ARID1A: variants seen among roughly 807,000 people sequenced by gnomAD.
ARID1A encodes the protein AT-rich interactive domain-containing protein 1A.
A neutral mutation model predicts 212.6 loss-of-function variants in ARID1A; 20 were observed. That is an observed-to-expected ratio of 0.09 (90% CI 0.07 to 0.14). The LOEUF (loss-of-function observed/expected upper bound fraction) is 0.14, where lower values mean the gene tolerates loss of function less well. Ranked by LOEUF, ARID1A falls within the 10% of genes least tolerant of loss-of-function variation. The pLI is 1.00. For missense variants in ARID1A, 2,587 were observed against 3,059.0 expected (o/e 0.85, Z 3.64); for synonymous variants, 1,376 against 1,222.1 (o/e 1.13, Z -2.63).
intron 2 of ARID1A, 136 bp from the exon 3 acceptor site, chr1:26,731,016 A>AC: frequency 1.0e-6 from 1 of 1,004,192 alleles, no homozygotes; most frequent in South Asian, 1.6e-5. Flanking sequence ...TGAGAGAAAA[A>AC]CCCTGGGCCT....
chr1:26,701,204 A>G (rs139165229), intron 1 of ARID1A, among the ~76,000 whole-genome samples: 71 of 152,356 alleles, frequency 4.7e-4, no homozygotes, highest in African/African-American at 1.6e-3. Context: ...CCATCCCTCA[A>G]AAGGTTGTAT....
chr1:26,696,876 C>G lies in ARID1A; in HGVS notation c.473C>G (p.Pro158Arg), dbSNP rs1192799126. 2 of 1,359,634 alleles carry G rather than the reference C, an allele frequency of 1.5e-6. No homozygotes were observed. Among genetic ancestry groups the G allele is most frequent in the East Asian group, 6.1e-5 (2 of 32,738 alleles). The allele number at this position is 1,359,634 out of a possible 1,614,324, so 84.2% of individuals were successfully genotyped here. A position where few individuals can be genotyped will look rare whatever the true frequency, so the allele number is the denominator to read the frequency against. ...YGFGQPYGRSPSAVAAAAAAV... is the reference protein window; with the variant it reads ...YGFGQPYGRSRSAVAAAAAAV... ...TTCGGGCAACCCTACGGCCGGAGCC[C>G]GTCTGCCGTCGCCGCCGCCGCGGCC... Residue 158 changes from proline to arginine, a missense_variant, in exon 1 of 20, where the codon CCG becomes CGG. Pro to Arg is a moderately radical substitution (Grantham distance 103, BLOSUM62 -2). Around this residue, in one of 11 missense-constraint regions of ARID1A, gnomAD observed 735 missense variants for 590.6 expected, o/e 1.24. Coordinates refer to ENST00000324856, the MANE Select transcript of ARID1A (RefSeq NM_006015.6).
At chr1:26,720,876 A>T (rs2080557676) in intron 1 of ARID1A, among the ~76,000 whole-genome samples, 1 of 140,090 alleles carries the variant, frequency 7.1e-6, no homozygotes, top group African/African-American at 2.8e-5. Flanking sequence ...GTCTCAAAAG[A>T]AAAAAAAAAA....
intron 4 of ARID1A, among the ~76,000 whole-genome samples, chr1:26,739,730 C>T (rs937770767): frequency 1.8e-4 from 28 of 152,182 alleles, no homozygotes; most frequent in African/African-American, 5.8e-4. Context: ...CTGGGAGCTC[C>T]TCTGCTCTAT....
intron 19 of ARID1A, among the ~76,000 whole-genome samples, chr1:26,776,414 C>G (rs2081136554): frequency 6.6e-6 from 1 of 151,986 alleles, no homozygotes; most frequent in Non-Finnish European, 1.5e-5. Context: ...GCTGGGACTA[C>G]AGGCGCCCGC....
Position 26,696,194 on chromosome 1 carries a change from GCCT to G in ARID1A, c.-198_-196del, listed in dbSNP as rs1209441224. 181 of 665,390 alleles carry G rather than the reference GCCT, an allele frequency of 2.7e-4. No individual in the cohort carries two copies. The highest frequency in any genetic ancestry group is 3.2e-4 in the Non-Finnish European group (158 of 497,362). The allele number at this position is 665,390 out of a possible 1,614,324, so 41.2% of individuals were successfully genotyped here. On this transcript the variant is annotated 5_prime_UTR_variant, in exon 1 of 20. Coordinates refer to ENST00000324856, the MANE Select transcript of ARID1A (RefSeq NM_006015.6). Reference sequence around the variant, plus strand: ...CGCCGGCGCCTCGGCCGCCGCCGCCGCCTCCTCCTCCTCCGCCGCCGCCAGCCC... The same window carrying G: ...CGCCGGCGCCTCGGCCGCCGCCGCCGCCTCCTCCTCCGCCGCCGCCAGCCC...
chr1:26,711,835 C>G (rs1245953151), intron 1 of ARID1A, among the ~76,000 whole-genome samples: 1 of 152,142 alleles, frequency 6.6e-6, no homozygotes, highest in Non-Finnish European at 1.5e-5. Flanking sequence ...GTAATCCAAG[C>G]ACTTTGGGAT....
intron 4 of ARID1A, among the ~76,000 whole-genome samples, chr1:26,750,796 C>T (rs2080877490): frequency 6.6e-6 from 1 of 151,976 alleles, no homozygotes; most frequent in Non-Finnish European, 1.5e-5. Flanking sequence ...TCACCCTCCC[C>T]ACAGCCCTCT....
intron 4 of ARID1A, among the ~76,000 whole-genome samples, chr1:26,736,935 T>C (rs970984768): frequency 6.9e-6 from 1 of 145,000 alleles, no homozygotes; most frequent in Non-Finnish European, 1.5e-5. Flanking sequence ...CTGCACAATA[T>C]ATAAGGCCTA....
At chr1:26,768,568 CTT>C (rs2081058267) in intron 11 of ARID1A, among the ~76,000 whole-genome samples, 1 of 152,192 alleles carries the variant, frequency 6.6e-6, no homozygotes, top group African/African-American at 2.4e-5. Flanking sequence ...TTCCTGGAAG[CTT>C]CCCAGTAGAG....
chr1:26,752,730 G>A (rs2080895688), intron 4 of ARID1A, among the ~76,000 whole-genome samples: 2 of 152,130 alleles, frequency 1.3e-5, no homozygotes, highest in African/African-American at 4.8e-5. Flanking sequence ...CGGGGATAAG[G>A]GACTGACAAA....
At chr1:26,742,678 T>C (rs35560426) in intron 4 of ARID1A, among the ~76,000 whole-genome samples, 9,070 of 152,194 alleles carry the variant, frequency 0.06, 329 homozygotes, top group Non-Finnish European at 0.08. Flanking sequence ...AAATGAAATA[T>C]CAAGCTGGTA....
intron 7 of ARID1A, 108 bp from the exon 8 acceptor site, chr1:26,762,865 C>G (rs535346975): frequency 8.6e-7 from 1 of 1,169,426 alleles, no homozygotes; most frequent in Admixed American, 3.1e-5. Context: ...AAGTTGATCT[C>G]TTTCCTAACC....
rs764320974 is a variant in ARID1A at position 26,779,172 on chromosome 1, C to T, written c.5274C>T (p.Pro1758=). The T allele has an allele frequency of 6.2e-7, 1 of 1,606,348 alleles. No homozygotes were observed. Among genetic ancestry groups the T allele is most frequent in the Non-Finnish European group, 8.5e-7 (1 of 1,175,568 alleles). The change falls in exon 20 of 20, where the codon CCC becomes CCT. Residue 1758 remains proline (P), a synonymous_variant. Coordinates refer to ENST00000324856, the MANE Select transcript of ARID1A (RefSeq NM_006015.6). ...TCAGCAAGGTGTCTAGTCCAGCTCC[C>T]ATGGAGGGTGGGGAAGAAGAAGAAG... ...GRFSKVSSPA[P]MEGGEEEEEL...
intron 13 of ARID1A, 67 bp from the exon 14 acceptor site, chr1:26,772,745 G>C (rs2124105946): frequency 6.2e-7 from 1 of 1,606,540 alleles, no homozygotes; most frequent in Non-Finnish European, 8.5e-7. Flanking sequence ...AGTGACTCCT[G>C]CGTGTCCTTT....
chr1:26,711,363 T>C (rs2080452092), intron 1 of ARID1A, among the ~76,000 whole-genome samples: 1 of 152,086 alleles, frequency 6.6e-6, no homozygotes, highest in African/African-American at 2.4e-5. Flanking sequence ...CCTCAAGCCA[T>C]TTGTCCACCT....
chr1:26,746,581 C>T (rs1000959643), intron 4 of ARID1A, among the ~76,000 whole-genome samples: 1 of 152,102 alleles, frequency 6.6e-6, no homozygotes, highest in East Asian at 1.9e-4. Context: ...GAGGGGAGGA[C>T]CTGTAGGTGT....
chr1:26,725,827 T>C (rs991391772), intron 1 of ARID1A, among the ~76,000 whole-genome samples: 3 of 151,664 alleles, frequency 2.0e-5, no homozygotes, highest in Admixed American at 6.6e-5. Context: ...GCCCCTGCAG[T>C]TCTGAAATTC....
chr1:26,773,041 A>T, intron 14 of ARID1A, 54 bp downstream of exon 14: 1 of 1,564,578 alleles, frequency 6.4e-7, no homozygotes, highest in Non-Finnish European at 8.7e-7. Flanking sequence ...GGGCCAGTGA[A>T]ATGGGGGGAA....
Sources: allele counts gnomAD v4.1 joint callset (sites outside exome capture counted in the v4.1 genomes callset), GRCh38; gene constraint gnomAD v4.1.1; regional missense constraint gnomAD v4.1.1; transcripts MANE v1.5; gene names NCBI Gene and HGNC (gene_info 2026-07-23, HGNC 2026-07-21).